PRTFDC1: variants seen among roughly 807,000 people sequenced by gnomAD.
PRTFDC1 encodes the protein phosphoribosyltransferase domain-containing protein 1.
Under a neutral mutation model 34.6 loss-of-function variants are expected in PRTFDC1, and 38 were observed. That is an observed-to-expected ratio of 1.10 (90% CI 0.85 to 1.44). The LOEUF is 1.44. Ranked by LOEUF, PRTFDC1 falls within the 40% of genes most tolerant of loss-of-function variation. The pLI is 0.00. For synonymous variants in PRTFDC1, 93 were observed against 98.1 expected (o/e 0.95, Z 0.31); for missense variants, 270 against 283.0 (o/e 0.95, Z 0.33).
At chr10:24,912,279 A>AAG (rs1848637474) in intron 3 of PRTFDC1, among the ~76,000 whole-genome samples, 2 of 147,700 alleles carry the variant, frequency 1.4e-5, no homozygotes, top group African/African-American at 2.5e-5. Flanking sequence ...AAAAAAAAAA[A>AAG]AAAAAAAAAA....
At chr10:24,876,461 C>T (rs61854267) in intron 3 of PRTFDC1, among the ~76,000 whole-genome samples, 18,489 of 151,780 alleles carry the variant, frequency 0.12, 1,400 homozygotes, top group South Asian at 0.22. Flanking sequence ...TTTGGGAGGC[C>T]GAGGCAGGCG....
chr10:24,861,859 G>C (rs1356251052), intron 4 of PRTFDC1, among the ~76,000 whole-genome samples: 1 of 151,794 alleles, frequency 6.6e-6, no homozygotes, highest in Non-Finnish European at 1.5e-5. Context: ...CTGTAACCTT[G>C]AACTTCTGGC....
At chr10:24,942,065 T>C (rs958707936) in intron 2 of PRTFDC1, among the ~76,000 whole-genome samples, 2 of 152,168 alleles carry the variant, frequency 1.3e-5, no homozygotes, top group Non-Finnish European at 2.9e-5. Flanking sequence ...CTTAGGACAT[T>C]GTTATTTTGA....
intron 3 of PRTFDC1, among the ~76,000 whole-genome samples, chr10:24,902,975 T>A (rs1848472026): frequency 6.6e-6 from 1 of 152,184 alleles, no homozygotes; most frequent in African/African-American, 2.4e-5. Context: ...GGCGGGTGGA[T>A]CACCTGAGGT....
rs1847877631 is a variant in PRTFDC1, at chr10:24,871,998, C to CGGA, written c.404_405insTCC (p.Lys135delinsAsnPro). On this transcript the variant is annotated protein_altering_variant and splice_region_variant, in exon 4 of 9. Coordinates refer to ENST00000320152, the MANE Select transcript of PRTFDC1 (RefSeq NM_020200.7). ...TCTGAGCACAGTTACATGAACAAAC[C>CGGA]TTTCCAGCCAGCGTTGAAAGATCAT... 6.2e-7 allele frequency: 1 copy of CGGA among 1,609,048 alleles called. No individual in the cohort carries two copies. The highest frequency in any genetic ancestry group is 1.3e-5 in the African/African-American group (1 of 74,788).
At chr10:24,892,606 G>A (rs1183348844) in intron 3 of PRTFDC1, among the ~76,000 whole-genome samples, 1 of 151,952 alleles carries the variant, frequency 6.6e-6, no homozygotes. Flanking sequence ...AAATGACACC[G>A]AGGCCAAGTA....
rs531285952 is a variant in PRTFDC1 at position 24,848,677 on chromosome 10, C to A, written c.*1167G>T. On this transcript the variant is annotated 3_prime_UTR_variant, in exon 9 of 9. Coordinates refer to ENST00000320152, the MANE Select transcript of PRTFDC1 (RefSeq NM_020200.7). ...AGGAAGCTAGAACCTAATAACAATA[C>A]GCCACATACGGTTCAGAACCAAACA... 1 of 152,048 alleles carries A rather than the reference C, an allele frequency of 6.6e-6. No individual in the cohort carries two copies. The highest frequency in any genetic ancestry group is 1.5e-5 in the Non-Finnish European group (1 of 68,002). 9.4% of individuals were successfully genotyped at this position (152,048 alleles called of 1,614,324 possible). A position where few individuals can be genotyped will look rare whatever the true frequency, so the allele number is the denominator to read the frequency against.
In PRTFDC1 at chr10:24,866,360, CAAAAAAAAAA is replaced by C. The variant is rs372329425; in HGVS notation, c.405+5628_405+5637del. On this transcript the variant is annotated intron_variant, in intron 4 of 8. Transcript: ENST00000320152. ...TGGGCGATAGAGCGAGATTCTGCCT[CAAAAAAAAAA>C]AAAAAAAAAAGAAAAAAAAACTTAT... Among the ~76,000 whole-genome samples, 38 of 51,808 alleles carry C rather than the reference CAAAAAAAAAA, an allele frequency of 7.3e-4. No homozygotes were observed. In the South Asian group the frequency reaches 0.019, roughly 26 times the overall value. 34.0% of individuals were successfully genotyped at this position (51,808 alleles called of 152,430 possible).
intron 4 of PRTFDC1, among the ~76,000 whole-genome samples, chr10:24,865,482 A>G (rs1192321272): frequency 6.6e-6 from 1 of 152,072 alleles, no homozygotes; most frequent in African/African-American, 2.4e-5. Context: ...TCATCTCATC[A>G]CACCTAGCTC....
intron 1 of PRTFDC1, among the ~76,000 whole-genome samples, chr10:24,950,230 T>C (rs1216437278): frequency 3.3e-5 from 5 of 152,202 alleles, no homozygotes; most frequent in Non-Finnish European, 7.3e-5. Flanking sequence ...GTATGTAGTA[T>C]GTTACGGTAG....
chr10:24,946,054 A>G (rs961033491), intron 1 of PRTFDC1, among the ~76,000 whole-genome samples: 1 of 152,158 alleles, frequency 6.6e-6, no homozygotes, highest in Non-Finnish European at 1.5e-5. Flanking sequence ...ATCACCTTCC[A>G]GACCACATGT....
intron 1 of PRTFDC1, among the ~76,000 whole-genome samples, chr10:24,949,940 G>A (rs559254647): frequency 6.6e-6 from 1 of 151,962 alleles, no homozygotes; most frequent in East Asian, 1.9e-4. Flanking sequence ...TACGATGTTG[G>A]TCAGGATTCT....
At chr10:24,891,182 T>C (rs1848254600) in intron 3 of PRTFDC1, among the ~76,000 whole-genome samples, 3 of 152,226 alleles carry the variant, frequency 2.0e-5, no homozygotes, top group African/African-American at 7.2e-5. Context: ...AGTAACTTAT[T>C]CAGAATCGAT....
chr10:24,868,531 A>G (rs1847824253), intron 4 of PRTFDC1, among the ~76,000 whole-genome samples: 1 of 152,084 alleles, frequency 6.6e-6, no homozygotes, highest in Non-Finnish European at 1.5e-5. Flanking sequence ...TGCAGTCTCA[A>G]CCTCCTGAGC....
intron 3 of PRTFDC1, among the ~76,000 whole-genome samples, chr10:24,921,641 A>C (rs1197522004): frequency 6.6e-6 from 1 of 151,704 alleles, no homozygotes; most frequent in Non-Finnish European, 1.5e-5. Flanking sequence ...TTCCTCACCA[A>C]GAGTCATCCT....
intron 3 of PRTFDC1, among the ~76,000 whole-genome samples, chr10:24,931,050 C>T (rs1208067042): frequency 1.3e-5 from 2 of 151,922 alleles, no homozygotes; most frequent in Non-Finnish European, 2.9e-5. Context: ...TGGAATCATA[C>T]AAAATACAGT....
chr10:24,907,577 C>A (rs889224692), intron 3 of PRTFDC1, among the ~76,000 whole-genome samples: 2 of 152,204 alleles, frequency 1.3e-5, no homozygotes, highest in African/African-American at 4.8e-5. Context: ...GCCTGGGCAA[C>A]AGAGTGAGAC....
chr10:24,895,253 CTTTTT>C (rs60331186), intron 3 of PRTFDC1, among the ~76,000 whole-genome samples: 1 of 105,190 alleles, frequency 9.5e-6, no homozygotes, highest in South Asian at 3.1e-4. Flanking sequence ...TCTCCACTTT[CTTTTT>C]TTTTTTTTTT....
intron 8 of PRTFDC1, among the ~76,000 whole-genome samples, chr10:24,851,085 T>C (rs1419387247): frequency 1.3e-5 from 2 of 152,210 alleles, no homozygotes; most frequent in South Asian, 2.1e-4. Context: ...GCTATTGTTA[T>C]GGTTGGTTGG....
Sources: allele counts gnomAD v4.1 joint callset (sites outside exome capture counted in the v4.1 genomes callset), GRCh38; gene constraint gnomAD v4.1.1; transcripts MANE v1.5; gene names NCBI Gene and HGNC (gene_info 2026-07-23, HGNC 2026-07-21).